The following COL19A1 variants were observed in gnomAD, a reference collection of about 807,000 sequenced individuals.
The protein encoded by COL19A1 is collagen alpha-1(XIX) chain.
In COL19A1, 159 loss-of-function variants were observed where a neutral mutation model predicts 190.2. That is an observed-to-expected ratio of 0.84 (90% CI 0.73 to 0.95). COL19A1 has a LOEUF of 0.95. Ranked by LOEUF, COL19A1 falls within the 40% of genes least tolerant of loss-of-function variation. The probability of loss-of-function intolerance (pLI) is 0.00; values close to 1 mark genes in which losing one functional copy is unlikely to be tolerated. For synonymous variants in COL19A1, 509 were observed against 458.9 expected (o/e 1.11, Z -1.39); for missense variants, 1,418 against 1,431.9 (o/e 0.99, Z 0.16).
At chr6:70,108,636 T>G in intron 16 of COL19A1, among the ~76,000 whole-genome samples, 1 of 152,166 alleles carries the variant, frequency 6.6e-6, no homozygotes, top group South Asian at 2.1e-4. Flanking sequence ...CAGCAGTCAT[T>G]TTCAATGTCA....
At chr6:69,926,698 C>G (rs946762409) in intron 4 of COL19A1, among the ~76,000 whole-genome samples, 2 of 152,008 alleles carry the variant, frequency 1.3e-5, no homozygotes, top group African/African-American at 4.8e-5. Context: ...TAAAGAAAGA[C>G]TATTTGAAGA....
chr6:69,909,343 C>G (rs1395980237), intron 4 of COL19A1, among the ~76,000 whole-genome samples: 1 of 152,050 alleles, frequency 6.6e-6, no homozygotes, highest in Non-Finnish European at 1.5e-5. Context: ...TGTGATATCT[C>G]TCCTCTTAGG....
intron 44 of COL19A1, among the ~76,000 whole-genome samples, chr6:70,184,181 A>G (rs765779312): frequency 4.6e-5 from 7 of 152,208 alleles, no homozygotes; most frequent in Non-Finnish European, 8.8e-5. Context: ...ATTTCATAGT[A>G]GGATCATGCT....
intron 12 of COL19A1, among the ~76,000 whole-genome samples, chr6:70,030,963 C>T (rs960520511): frequency 3.9e-5 from 6 of 152,188 alleles, no homozygotes; most frequent in South Asian, 2.1e-4. Context: ...TTGTGTTCCA[C>T]GTTGCTGCCA....
At chr6:70,031,174 C>T (rs1243948757) in intron 12 of COL19A1, among the ~76,000 whole-genome samples, 1 of 152,084 alleles carries the variant, frequency 6.6e-6, no homozygotes. Flanking sequence ...CTCCTTTTAT[C>T]TTAGTGACCT....
intron 4 of COL19A1, among the ~76,000 whole-genome samples, chr6:69,909,818 C>CA (rs960138395): frequency 3.9e-5 from 6 of 152,024 alleles, no homozygotes; most frequent in Non-Finnish European, 5.9e-5. Flanking sequence ...TACGGTCATT[C>CA]AAAATAGGTA....
chr6:70,152,569 C>A (rs994775300), intron 31 of COL19A1, among the ~76,000 whole-genome samples: 3 of 152,090 alleles, frequency 2.0e-5, no homozygotes, highest in African/African-American at 7.2e-5. Context: ...GTTAAAATTA[C>A]ATGCCACTCA....
rs1771907017 is a variant in COL19A1 at position 69,921,497 on chromosome 6, T to TTCATATATA, written c.267-6410_267-6402dup. On this transcript the variant is annotated intron_variant, in intron 4 of 50. Coordinates refer to ENST00000620364, the MANE Select transcript of COL19A1 (RefSeq NM_001858.6). ...ATATATTCATATATATTCATATATA[T>TTCATATATA]TCATATATATTCATATGTATATTCA... 1.3e-4 allele frequency among the ~76,000 whole-genome samples: 14 copies of TTCATATATA among 109,890 alleles called. 1 individual carries two copies. Among genetic ancestry groups the TTCATATATA allele is most frequent in the African/African-American group, 1.8e-4 (5 of 27,564 alleles). The allele number at this position is 109,890 out of a possible 152,430, so 72.1% of individuals were successfully genotyped here.
chr6:70,042,464 A>G (rs1377631915), intron 14 of COL19A1, among the ~76,000 whole-genome samples: 1 of 152,226 alleles, frequency 6.6e-6, no homozygotes, highest in Admixed American at 6.5e-5. Context: ...TTTATTGCTA[A>G]AAAATGCTAA....
intron 1 of COL19A1, among the ~76,000 whole-genome samples, chr6:69,868,630 G>T (rs536398123): frequency 6.9e-4 from 105 of 152,086 alleles, no homozygotes; most frequent in Non-Finnish European, 1.3e-3. Context: ...AACTGAAATG[G>T]ACAGGACTAA....
intron 7 of COL19A1, among the ~76,000 whole-genome samples, chr6:69,935,020 C>T (rs1311463723): frequency 6.6e-6 from 1 of 151,902 alleles, no homozygotes; most frequent in Admixed American, 6.6e-5. Flanking sequence ...TTTTATAAAG[C>T]ATTTCAAAGG....
chr6:69,928,056 T>C, intron 5 of COL19A1, 24 bp downstream of exon 5: 1 of 1,602,310 alleles, frequency 6.2e-7, no homozygotes, highest in Non-Finnish European at 8.5e-7. Context: ...AGAGTTGTGC[T>C]CATTAGTTTT....
chr6:70,033,349 A>C (rs1424291332), intron 12 of COL19A1, among the ~76,000 whole-genome samples: 1 of 152,138 alleles, frequency 6.6e-6, no homozygotes, highest in Non-Finnish European at 1.5e-5. Flanking sequence ...ACAGTAAGAC[A>C]CTTAGACTTG....
At chr6:70,010,607 C>T (rs961476206) in intron 11 of COL19A1, among the ~76,000 whole-genome samples, 1 of 140,656 alleles carries the variant, frequency 7.1e-6, no homozygotes, top group African/African-American at 2.9e-5. Flanking sequence ...ACGGACGCAC[C>T]TGGAAAATAG....
chr6:70,162,465 A>C, intron 35 of COL19A1, among the ~76,000 whole-genome samples: 1 of 152,150 alleles, frequency 6.6e-6, no homozygotes, highest in East Asian at 1.9e-4. Context: ...GTTTTCCTAG[A>C]ACAGAATCTC....
chr6:69,981,852 A>G (rs1363634962), intron 11 of COL19A1, among the ~76,000 whole-genome samples: 1 of 152,140 alleles, frequency 6.6e-6, no homozygotes, highest in East Asian at 1.9e-4. Flanking sequence ...CTGTCCTAAA[A>G]TATATGTTTC....
At position 70,121,883 on chromosome 6, in the gene COL19A1, C is replaced by T. The variant is rs367657660; in HGVS notation, c.1282C>T (p.Pro428Ser). The T allele has an allele frequency of 2.5e-6, 4 of 1,571,800 alleles. No individual in the cohort carries two copies. The highest frequency in any genetic ancestry group is 3.5e-6 in the Non-Finnish European group (4 of 1,157,372). Residue 428 changes from proline (P) to serine (S), a missense_variant, in exon 17 of 51, where the codon CCT (proline) becomes TCT (serine). Transcript: ENST00000620364. ...GKPGPPGPPG[P>S]PGIQGIHQTL... ...CTTTGATTTGTTTATAATACAGGGA[C>T]CTCCTGGAATACAAGGAATACACCA...
intron 12 of COL19A1, among the ~76,000 whole-genome samples, chr6:70,028,816 G>A (rs957006005): frequency 6.6e-6 from 1 of 152,022 alleles, no homozygotes; most frequent in Non-Finnish European, 1.5e-5. Flanking sequence ...CTATCATACA[G>A]AAAGCCTTTA....
chr6:69,874,546 T>C (rs1768019376), intron 1 of COL19A1, among the ~76,000 whole-genome samples: 1 of 152,004 alleles, frequency 6.6e-6, no homozygotes. Flanking sequence ...GGTCAGGAGA[T>C]CGAGACCATC....
Sources: gnomAD v4.1 joint callset for allele counts (sites outside exome capture counted in the v4.1 genomes callset) on GRCh38, gnomAD v4.1.1 for gene constraint, MANE v1.5 for transcripts, NCBI Gene and HGNC (gene_info 2026-07-23, HGNC 2026-07-21) for gene names.